The following PAPSS1 variants were observed in gnomAD, a reference collection of about 807,000 sequenced individuals.
PAPSS1 encodes the protein bifunctional 3'-phosphoadenosine 5'-phosphosulfate synthase 1.
In PAPSS1, 50 loss-of-function variants were observed where a neutral mutation model predicts 72.0. The observed-to-expected ratio is 0.69, with a 90% confidence interval of 0.55 to 0.88. PAPSS1 has a LOEUF of 0.88. PAPSS1 is among the 40% of genes least tolerant of loss of function. PAPSS1 has a pLI of 0.00. For synonymous variants in PAPSS1, 261 were observed against 263.6 expected (o/e 0.99, Z 0.09); for missense variants, 657 against 782.2 (o/e 0.84, Z 1.91).
intron 9 of PAPSS1, among the ~76,000 whole-genome samples, chr4:107,646,377 C>CTT (rs1157533696): frequency 3.5e-5 from 5 of 142,516 alleles, no homozygotes; most frequent in Admixed American, 7.1e-5. Flanking sequence ...GTTTTGTCCA[C>CTT]TTTTTTTTTT....
chr4:107,651,164 GT>G, intron 9 of PAPSS1, among the ~76,000 whole-genome samples: 1 of 152,236 alleles, frequency 6.6e-6, no homozygotes, highest in East Asian at 1.9e-4. Flanking sequence ...CAGGAGTAAA[GT>G]ATAAAAGGAG....
chr4:107,627,861 A>G (rs1371012751), intron 11 of PAPSS1, among the ~76,000 whole-genome samples: 1 of 152,178 alleles, frequency 6.6e-6, no homozygotes, highest in Admixed American at 6.5e-5. Flanking sequence ...CTAGGTGTAC[A>G]TATATAGTAT....
chr4:107,711,448 C>T (rs988165996), intron 1 of PAPSS1, among the ~76,000 whole-genome samples: 30 of 152,168 alleles, frequency 2.0e-4, no homozygotes, highest in African/African-American at 6.8e-4. Context: ...CTCTGTGATG[C>T]TACTTAGAGA....
chr4:107,707,062 G>A (rs1272519209), intron 1 of PAPSS1, among the ~76,000 whole-genome samples: 2 of 152,218 alleles, frequency 1.3e-5, no homozygotes, highest in Admixed American at 6.5e-5. Context: ...GGGTCAATGG[G>A]AGCTGGTATA....
Position 107,682,089 on chromosome 4 carries a change from CA to C in PAPSS1, c.594del (p.Glu199SerfsTer4). ...CAGGAGTCTGTTTTCAGCACCAACT[CA>C]GGGGCCTCTGGCTTTTCATATTCAG... ...IDSEYEKPEA[P>X]ELVLKTDSCD... On this transcript the variant is annotated frameshift_variant, in exon 5 of 12. Transcript: ENST00000265174. LOFTEE classifies it high-confidence loss of function. 1 of 1,611,636 alleles carries C rather than the reference CA, an allele frequency of 6.2e-7. No individual in the cohort carries two copies. The highest frequency in any genetic ancestry group is 8.5e-7 in the Non-Finnish European group (1 of 1,178,074).
At chr4:107,714,122 A>G (rs527360600) in intron 1 of PAPSS1, among the ~76,000 whole-genome samples, 1 of 152,116 alleles carries the variant, frequency 6.6e-6, no homozygotes, top group Non-Finnish European at 1.5e-5. Flanking sequence ...TAGCTGACCA[A>G]ACTCTTCAAG....
At chr4:107,648,602 C>T (rs973146239) in intron 9 of PAPSS1, among the ~76,000 whole-genome samples, 5 of 152,222 alleles carry the variant, frequency 3.3e-5, no homozygotes, top group Admixed American at 6.5e-5. Context: ...TAAGACTGCG[C>T]TACATAGAGC....
At chr4:107,614,761 T>G (rs192862701) in intron 11 of PAPSS1, among the ~76,000 whole-genome samples, 20 of 152,298 alleles carry the variant, frequency 1.3e-4, no homozygotes, top group Non-Finnish European at 2.4e-4. Context: ...AATCTACCAA[T>G]CTTACTCAGA....
chr4:107,688,021 T>C (rs1722832698), intron 3 of PAPSS1, among the ~76,000 whole-genome samples: 3 of 152,114 alleles, frequency 2.0e-5, no homozygotes, highest in Middle Eastern at 3.4e-3. Context: ...TCTCAATCTC[T>C]TCTCTTTCAA....
At chr4:107,673,696 A>C (rs953081820) in intron 5 of PAPSS1, among the ~76,000 whole-genome samples, 11 of 152,206 alleles carry the variant, frequency 7.2e-5, no homozygotes, top group Middle Eastern at 3.4e-3. Flanking sequence ...AATACAGAGA[A>C]CACCACCAAG....
chr4:107,667,240 G>A (rs1334962727), intron 5 of PAPSS1, among the ~76,000 whole-genome samples: 3 of 152,186 alleles, frequency 2.0e-5, no homozygotes, highest in Admixed American at 1.3e-4. Context: ...GGGGGCTGGG[G>A]GTTGAAGTTC....
chr4:107,630,446 TAA>T (rs796402643), intron 11 of PAPSS1, among the ~76,000 whole-genome samples: 39 of 152,290 alleles, frequency 2.6e-4, no homozygotes, highest in African/African-American at 9.4e-4. Context: ...TCTGACGGTT[TAA>T]AAGTGTGGCA....
chr4:107,635,850 C>T (rs371007290), intron 10 of PAPSS1, among the ~76,000 whole-genome samples: 5 of 152,098 alleles, frequency 3.3e-5, no homozygotes, highest in African/African-American at 4.8e-5. Flanking sequence ...CGAAATAGCA[C>T]AACAGTTGCA....
intron 10 of PAPSS1, among the ~76,000 whole-genome samples, chr4:107,640,919 G>C (rs1726522669): frequency 1.3e-5 from 2 of 152,054 alleles, no homozygotes; most frequent in African/African-American, 4.8e-5. Flanking sequence ...AGAAAACCTG[G>C]GAGCTCTGCA....
intron 5 of PAPSS1, among the ~76,000 whole-genome samples, chr4:107,672,905 A>G (rs1192552504): frequency 6.6e-6 from 1 of 152,152 alleles, no homozygotes; most frequent in African/African-American, 2.4e-5. Flanking sequence ...CTGCTCACCA[A>G]TATCCGCTGT....
chr4:107,664,893 T>G (rs1727275447), intron 5 of PAPSS1, among the ~76,000 whole-genome samples: 1 of 152,216 alleles, frequency 6.6e-6, no homozygotes, highest in African/African-American at 2.4e-5. Flanking sequence ...TCATATTTTG[T>G]TTTTGAGTCA....
chr4:107,687,186 A>G lies in PAPSS1; in HGVS notation c.412-9T>C. ...CTTGCATTGTTGCGATCCTTAAAAA[A>G]AAATAAAATAAAAAGTGATCACACA... is the stretch of plus-strand genomic sequence containing the variant. On this transcript the variant is annotated splice_polypyrimidine_tract_variant and intron_variant, in intron 3 of 11. Coordinates refer to ENST00000265174, the MANE Select transcript of PAPSS1 (RefSeq NM_005443.5). 3 of 1,543,610 alleles carry G rather than the reference A, an allele frequency of 1.9e-6. No individual in the cohort carries two copies. The highest frequency in any genetic ancestry group is 2.6e-6 in the Non-Finnish European group (3 of 1,154,592).
At chr4:107,647,961 G>A (rs1726737205) in intron 9 of PAPSS1, among the ~76,000 whole-genome samples, 1 of 152,012 alleles carries the variant, frequency 6.6e-6, no homozygotes, top group Non-Finnish European at 1.5e-5. Flanking sequence ...AATATACATT[G>A]CTCATTACCT....
At chr4:107,649,785 C>T (rs1050754189) in intron 9 of PAPSS1, among the ~76,000 whole-genome samples, 1 of 152,254 alleles carries the variant, frequency 6.6e-6, no homozygotes. Context: ...CTACCACACA[C>T]TATTCTGAAA....
Sources: gnomAD v4.1 joint callset for allele counts (sites outside exome capture counted in the v4.1 genomes callset) on GRCh38, gnomAD v4.1.1 for gene constraint, MANE v1.5 for transcripts, NCBI Gene and HGNC (gene_info 2026-07-23, HGNC 2026-07-21) for gene names.